PRKG1: variants seen among roughly 807,000 people sequenced by gnomAD.
PRKG1 encodes cGMP-dependent protein kinase 1.
Under a neutral mutation model 88.1 loss-of-function variants are expected in PRKG1, and 35 were observed. The ratio of observed to expected loss-of-function variants is 0.40; its 90% confidence interval spans 0.30 to 0.53. PRKG1 has a LOEUF of 0.53. Ranked by LOEUF, PRKG1 falls within the 20% of genes least tolerant of loss-of-function variation. PRKG1 has a pLI of 0.59. For synonymous variants in PRKG1, 303 were observed against 292.5 expected (o/e 1.04, Z -0.37); for missense variants, 540 against 839.8 (o/e 0.64, Z 4.41).
chr10:51,647,637 T>C (rs1195196678), intron 3 of PRKG1, among the ~76,000 whole-genome samples: 1 of 152,220 alleles, frequency 6.6e-6, no homozygotes, highest in East Asian at 1.9e-4. Context: ...TCTCAAAATT[T>C]TGTCACCTCA....
At chr10:51,779,504 T>G (rs938733749) in intron 3 of PRKG1, among the ~76,000 whole-genome samples, 1 of 152,194 alleles carries the variant, frequency 6.6e-6, no homozygotes, top group Non-Finnish European at 1.5e-5. Flanking sequence ...AGATTATTAT[T>G]TTTTTCATAA....
chr10:51,918,847 A>G (rs530752646), intron 5 of PRKG1, among the ~76,000 whole-genome samples: 1 of 151,542 alleles, frequency 6.6e-6, no homozygotes, highest in East Asian at 1.9e-4. Flanking sequence ...ATTTTCAACT[A>G]TTTTTTTTTC....
chr10:51,378,472 G>C (rs562014217), intron 2 of PRKG1, among the ~76,000 whole-genome samples: 29 of 152,278 alleles, frequency 1.9e-4, no homozygotes, highest in African/African-American at 6.5e-4. Flanking sequence ...TCAGGCATTT[G>C]AGCGCTAGTG....
chr10:51,068,833 C>G (rs111608700), intron 1 of PRKG1, among the ~76,000 whole-genome samples: 1 of 151,930 alleles, frequency 6.6e-6, no homozygotes, highest in African/African-American at 2.4e-5. Flanking sequence ...ATGTTGCATG[C>G]TCATGTACAT....
chr10:52,206,810 A>G (rs189540800), intron 9 of PRKG1, among the ~76,000 whole-genome samples: 9 of 152,238 alleles, frequency 5.9e-5, no homozygotes, highest in African/African-American at 1.7e-4. Context: ...AGGAGTTTCC[A>G]TTTTGCTGGC....
intron 10 of PRKG1, among the ~76,000 whole-genome samples, chr10:52,266,401 T>C (rs117881485): frequency 0.03 from 4,514 of 151,852 alleles, 298 homozygotes; most frequent in East Asian, 0.23. Context: ...CCCCAGTGTG[T>C]GTTGTTCCTC....
rs941137851 is a variant in PRKG1 at position 51,069,091 on chromosome 10, C to T, written c.266+77447C>T. Among the ~76,000 whole-genome samples the T allele has an allele frequency of 3.9e-5, 6 of 151,902 alleles. No homozygotes were observed. The East Asian group carries it at 7.7e-4, about 20-fold the overall frequency. On this transcript the variant is annotated intron_variant, in intron 1 of 17. Coordinates refer to the PRKG1 transcript ENST00000401604. Reference sequence around the variant, plus strand: ...AGCCTGAGACCCAATAATAACTTCCCGTCATCTTAAGAAGGGGACTATAAA... The same window carrying T: ...AGCCTGAGACCCAATAATAACTTCCTGTCATCTTAAGAAGGGGACTATAAA...
chr10:51,487,333 G>A (rs1200868323), intron 3 of PRKG1, among the ~76,000 whole-genome samples: 1 of 152,148 alleles, frequency 6.6e-6, no homozygotes, highest in East Asian at 1.9e-4. Context: ...TTTTGAGTTA[G>A]TATTTTTTTG....
At chr10:52,123,015 G>A (rs1027761370) in intron 7 of PRKG1, among the ~76,000 whole-genome samples, 5 of 152,036 alleles carry the variant, frequency 3.3e-5, no homozygotes, top group African/African-American at 1.2e-4. Flanking sequence ...CTGTATATTA[G>A]GTTGAACCAT....
intron 7 of PRKG1, among the ~76,000 whole-genome samples, chr10:52,068,202 C>CAAAAAAAA (rs71032621): frequency 7.7e-5 from 3 of 38,852 alleles, no homozygotes; most frequent in African/African-American, 9.4e-5. Context: ...AACTCCGTCT[C>CAAAAAAAA]AAAAAAAAAA....
chr10:51,613,813 A>T (rs1412253778), intron 3 of PRKG1, among the ~76,000 whole-genome samples: 2 of 151,720 alleles, frequency 1.3e-5, no homozygotes, highest in African/African-American at 2.4e-5. Flanking sequence ...TTTGGTGTTA[A>T]CTTCTAGTTT....
intron 3 of PRKG1, among the ~76,000 whole-genome samples, chr10:51,585,457 T>C (rs1387526423): frequency 6.6e-6 from 1 of 152,094 alleles, no homozygotes; most frequent in Non-Finnish European, 1.5e-5. Context: ...CTAAACTAAT[T>C]GTCTTAATTT....
chr10:51,288,209 G>T (rs1284695942), intron 2 of PRKG1, among the ~76,000 whole-genome samples: 3 of 151,930 alleles, frequency 2.0e-5, no homozygotes, highest in Non-Finnish European at 2.9e-5. Context: ...AGTTACATAT[G>T]TATACATGTG....
At chr10:51,404,849 C>T (rs907612574) in intron 2 of PRKG1, among the ~76,000 whole-genome samples, 7 of 152,120 alleles carry the variant, frequency 4.6e-5, no homozygotes, top group Admixed American at 4.6e-4. Flanking sequence ...ATCTATGCAA[C>T]TTAAGCAGTG....
At chr10:52,249,835 A>C (rs1841128148) in intron 9 of PRKG1, among the ~76,000 whole-genome samples, 1 of 140,644 alleles carries the variant, frequency 7.1e-6, no homozygotes, top group Non-Finnish European at 1.6e-5. Context: ...GTCTAAAAAA[A>C]ACAAAAAGCA....
intron 2 of PRKG1, among the ~76,000 whole-genome samples, chr10:51,349,839 C>T (rs1385827953): frequency 6.6e-6 from 1 of 152,040 alleles, no homozygotes; most frequent in African/African-American, 2.4e-5. Context: ...AGTACACATT[C>T]TCTCTAGAGA....
At chr10:52,015,824 CA>C (rs1171674150) in intron 5 of PRKG1, among the ~76,000 whole-genome samples, 1 of 152,172 alleles carries the variant, frequency 6.6e-6, no homozygotes, top group African/African-American at 2.4e-5. Flanking sequence ...CTCTCAAGTT[CA>C]AAGTTCAACG....
intron 1 of PRKG1, among the ~76,000 whole-genome samples, chr10:51,145,387 C>T (rs920305798): frequency 2.0e-5 from 3 of 152,110 alleles, no homozygotes; most frequent in African/African-American, 7.2e-5. Context: ...GCTGTTTGGG[C>T]ATCTAAACTT....
intron 7 of PRKG1, among the ~76,000 whole-genome samples, chr10:52,085,427 A>C (rs1352653738): frequency 6.6e-6 from 1 of 152,012 alleles, no homozygotes; most frequent in African/African-American, 2.4e-5. Context: ...GGACTGGTGG[A>C]TTACTATTGT....
Sources: allele counts gnomAD v4.1 joint callset (sites outside exome capture counted in the v4.1 genomes callset), GRCh38; gene constraint gnomAD v4.1.1; transcripts MANE v1.5; gene names NCBI Gene and HGNC (gene_info 2026-07-23, HGNC 2026-07-21).